VGLL4: variants seen among roughly 807,000 people sequenced by gnomAD.
VGLL4 encodes vestigial like family member 4.
In VGLL4, 7 loss-of-function variants were observed where a neutral mutation model predicts 21.0. The ratio of observed to expected loss-of-function variants is 0.33; its 90% CI spans 0.19 to 0.63. The LOEUF is 0.63. Among genes scored for constraint, VGLL4 ranks in the 20% least tolerant of loss-of-function variants. VGLL4 has a pLI of 0.78. For synonymous variants in VGLL4, 222 were observed against 173.2 expected (o/e 1.28, Z -2.21); for missense variants, 394 against 425.7 (o/e 0.93, Z 0.66).
At chr3:11,648,193 T>C (rs763841524), upstream of VGLL4, among the ~76,000 whole-genome samples, 2 of 152,126 alleles carry the variant, frequency 1.3e-5, no homozygotes, top group African/African-American at 2.4e-5. Flanking sequence ...ATTTAAAACA[T>C]AAAGCAAAGA....
intron 2 of VGLL4, among the ~76,000 whole-genome samples, chr3:11,692,063 A>G (rs1215404648): frequency 1.3e-5 from 2 of 152,180 alleles, no homozygotes; most frequent in African/African-American, 4.8e-5. Flanking sequence ...AATGACATTA[A>G]CCATCCACAA....
At chr3:11,619,276 A>G (rs548825702) in intron 1 of VGLL4, among the ~76,000 whole-genome samples, 59 of 152,376 alleles carry the variant, frequency 3.9e-4, no homozygotes, top group Admixed American at 9.8e-4. Context: ...AGAGCCATTC[A>G]TCTTTATACC....
intron 2 of VGLL4, among the ~76,000 whole-genome samples, chr3:11,664,590 A>G (rs2076082783): frequency 1.3e-5 from 2 of 152,294 alleles, no homozygotes; most frequent in Admixed American, 6.5e-5. Context: ...GAATCTGGGG[A>G]CCAGGGCTGG....
chr3:11,605,914 CTAAA>C (rs1201864097), intron 1 of VGLL4, among the ~76,000 whole-genome samples: 1 of 152,206 alleles, frequency 6.6e-6, no homozygotes, highest in Non-Finnish European at 1.5e-5. Flanking sequence ...AGAAAAGGAT[CTAAA>C]TAGGCATTTC....
chr3:11,642,671 A>G (rs565782903), intron 1 of VGLL4, among the ~76,000 whole-genome samples: 1 of 152,310 alleles, frequency 6.6e-6, no homozygotes, highest in South Asian at 2.1e-4. Flanking sequence ...TTTTTCTCTG[A>G]CTGCTACCAG....
At chr3:11,709,175 T>C (rs150292796) in intron 1 of VGLL4, among the ~76,000 whole-genome samples, 39 of 151,856 alleles carry the variant, frequency 2.6e-4, no homozygotes, top group South Asian at 6.3e-4. Context: ...CAGTGGCTCA[T>C]GCCTGTAATC....
intron 3 of VGLL4, among the ~76,000 whole-genome samples, chr3:11,564,419 G>A (rs2073336376): frequency 6.6e-6 from 1 of 151,238 alleles, no homozygotes; most frequent in African/African-American, 2.4e-5. Flanking sequence ...CCCCACCCGA[G>A]GATGACTACA....
chr3:11,642,496 T>C (rs1015372547), intron 1 of VGLL4, among the ~76,000 whole-genome samples: 5 of 152,248 alleles, frequency 3.3e-5, no homozygotes, highest in Admixed American at 6.5e-5. Flanking sequence ...AAACTGCTCC[T>C]GCTGAATGAG....
At chr3:11,695,511 G>C (rs143417716) in intron 2 of VGLL4, among the ~76,000 whole-genome samples, 47 of 152,308 alleles carry the variant, frequency 3.1e-4, no homozygotes, top group African/African-American at 1.1e-3. Context: ...GAGAGAACAT[G>C]TGCATGATGA....
intron 1 of VGLL4, among the ~76,000 whole-genome samples, chr3:11,708,544 C>T (rs898264305): frequency 6.6e-6 from 1 of 151,016 alleles, no homozygotes; most frequent in Non-Finnish European, 1.5e-5. Context: ...CCTGGAGGGC[C>T]TGCAACACCG....
At chr3:11,591,139 A>T (rs746285451) in intron 2 of VGLL4, among the ~76,000 whole-genome samples, 25 of 152,196 alleles carry the variant, frequency 1.6e-4, no homozygotes, top group Non-Finnish European at 3.4e-4. Flanking sequence ...CACTCAGAGG[A>T]TCAGGAAAAC....
chr3:11,682,994 G>C (rs1483852222), intron 2 of VGLL4, among the ~76,000 whole-genome samples: 1 of 152,102 alleles, frequency 6.6e-6, no homozygotes, highest in Non-Finnish European at 1.5e-5. Context: ...TTGGGAGGCC[G>C]AGGTGGGCAG....
At chr3:11,606,821 C>T (rs915591973) in intron 1 of VGLL4, among the ~76,000 whole-genome samples, 1 of 152,172 alleles carries the variant, frequency 6.6e-6, no homozygotes, top group Non-Finnish European at 1.5e-5. Context: ...GCAACCCACT[C>T]AAGTCCCCTT....
At chr3:11,613,313 G>A (rs1196526497) in intron 1 of VGLL4, among the ~76,000 whole-genome samples, 3 of 152,140 alleles carry the variant, frequency 2.0e-5, no homozygotes, top group African/African-American at 7.2e-5. Context: ...GAGTTCCAGA[G>A]GGTACGACTG....
chr3:11,711,370 C>G (rs190095490), intron 1 of VGLL4, among the ~76,000 whole-genome samples: 190 of 151,988 alleles, frequency 1.3e-3, no homozygotes, highest in African/African-American at 4.5e-3. Flanking sequence ...AAACCCCATC[C>G]CGGCTAACAT....
At chr3:11,643,930 C>T, upstream of VGLL4, 1 of 997,080 alleles carries the variant, frequency 1.0e-6, no homozygotes, top group African/African-American at 1.7e-5. Context: ...GGCATGACTC[C>T]TATGCCGCCG....
chr3:11,614,953 C>T (rs1322272178), intron 1 of VGLL4, among the ~76,000 whole-genome samples: 3 of 152,176 alleles, frequency 2.0e-5, no homozygotes, highest in Non-Finnish European at 4.4e-5. Context: ...ACAAGAACAT[C>T]CCATTCTCTT....
At chr3:11,672,379 T>C (rs2076229562) in intron 2 of VGLL4, among the ~76,000 whole-genome samples, 1 of 3,030 alleles carries the variant, frequency 3.3e-4, no homozygotes, top group Non-Finnish European at 5.2e-4. Context: ...TATTTAGTGT[T>C]TTTTTTTAAT....
At chr3:11,573,384 AAAG>A (rs2073933217) in intron 2 of VGLL4, among the ~76,000 whole-genome samples, 1 of 147,842 alleles carries the variant, frequency 6.8e-6, no homozygotes, top group Non-Finnish European at 1.5e-5. Flanking sequence ...AGAAAGAAAG[AAAG>A]AAAGAAAGAA....
Sources: gnomAD v4.1 joint callset for allele counts (sites outside exome capture counted in the v4.1 genomes callset) on GRCh38, gnomAD v4.1.1 for gene constraint, MANE v1.5 for transcripts, NCBI Gene and HGNC (gene_info 2026-07-23, HGNC 2026-07-21) for gene names.